The following MIS18A variants were observed in gnomAD, a reference collection of about 807,000 sequenced individuals.
The protein encoded by MIS18A is MIS18 kinetochore protein A.
Under a neutral mutation model 25.0 loss-of-function variants are expected in MIS18A, and 14 were observed. The ratio of observed to expected loss-of-function variants is 0.56; its 90% CI spans 0.37 to 0.88. The LOEUF is 0.88. Among genes scored for constraint, MIS18A ranks in the 40% least tolerant of loss-of-function variants. The pLI is 0.00. For missense variants in MIS18A, 292 were observed against 290.8 expected, an observed-to-expected ratio of 1.00 and a Z score of -0.03; for synonymous variants, 134 against 118.6, an observed-to-expected ratio of 1.13 and a Z score of -0.84.
chr21:32,173,612 A>T, the MIS18A span, among the ~76,000 whole-genome samples: 1 of 152,324 alleles, frequency 6.6e-6, no homozygotes, highest in East Asian at 1.9e-4. Flanking sequence ...TTTGGCAGTA[A>T]AATGAAGTAC....
chr21:32,226,321 T>C, the MIS18A span, among the ~76,000 whole-genome samples: 1 of 151,898 alleles, frequency 6.6e-6, no homozygotes, highest in African/African-American at 2.4e-5. Flanking sequence ...AAAAAATGCA[T>C]TTTTTAATGC....
chr21:32,204,286 C>A, the MIS18A span, among the ~76,000 whole-genome samples: 5 of 151,812 alleles, frequency 3.3e-5, no homozygotes, highest in Non-Finnish European at 7.4e-5. Context: ...ATCATGAGGT[C>A]CACAGTTCAA....
At chr21:32,186,959 G>A in the MIS18A span, among the ~76,000 whole-genome samples, 1 of 152,194 alleles carries the variant, frequency 6.6e-6, no homozygotes, top group Non-Finnish European at 1.5e-5. Flanking sequence ...ATTAGGCTGA[G>A]TTGGCCTCAT....
the MIS18A span, among the ~76,000 whole-genome samples, chr21:32,195,733 A>G: frequency 2.0e-5 from 3 of 152,144 alleles, no homozygotes; most frequent in South Asian, 4.1e-4. Context: ...ATTCTAGTCT[A>G]TCTGGGCAAG....
chr21:32,195,993 C>T, the MIS18A span, among the ~76,000 whole-genome samples: 1 of 151,816 alleles, frequency 6.6e-6, no homozygotes, highest in South Asian at 2.1e-4. Flanking sequence ...GCACTCCAGC[C>T]TGGGCAACAG....
At chr21:32,235,003 C>T in the MIS18A span, among the ~76,000 whole-genome samples, 5,394 of 152,226 alleles carry the variant, frequency 0.035, 318 homozygotes, top group African/African-American at 0.12. Context: ...TCATTCTTTC[C>T]TCTCCTCTCC....
the MIS18A span, among the ~76,000 whole-genome samples, chr21:32,206,422 G>A: frequency 6.6e-6 from 1 of 151,958 alleles, no homozygotes; most frequent in Non-Finnish European, 1.5e-5. Context: ...TCTCATTATT[G>A]GATTCTCCAT....
the MIS18A span, among the ~76,000 whole-genome samples, chr21:32,210,419 CTCT>C: frequency 6.6e-6 from 1 of 152,156 alleles, no homozygotes; most frequent in African/African-American, 2.4e-5. Context: ...AGAGGCTAAA[CTCT>C]TCATCTCTAG....
At chr21:32,231,236 G>GAA in the MIS18A span, among the ~76,000 whole-genome samples, 2 of 85,240 alleles carry the variant, frequency 2.3e-5, no homozygotes, top group Non-Finnish European at 4.8e-5. Context: ...ACCCTGTCTC[G>GAA]AAAAAAAAAA....
chr21:32,212,880 G>C, the MIS18A span, among the ~76,000 whole-genome samples: 4 of 152,166 alleles, frequency 2.6e-5, no homozygotes, highest in South Asian at 8.3e-4. Context: ...CTTCCTCCAT[G>C]ATTGTGAGGC....
At chr21:32,236,403 T>C in the MIS18A span, among the ~76,000 whole-genome samples, 2 of 151,390 alleles carry the variant, frequency 1.3e-5, no homozygotes, top group Non-Finnish European at 2.9e-5. Flanking sequence ...AAAAAAAGAG[T>C]GTACTTGGGC....
At chr21:32,193,215 C>T in the MIS18A span, among the ~76,000 whole-genome samples, 2 of 152,148 alleles carry the variant, frequency 1.3e-5, no homozygotes, top group Non-Finnish European at 2.9e-5. Flanking sequence ...GCCTGGGGCT[C>T]CTGATGCTGT....
At chr21:32,253,928 A>AG in the MIS18A span, among the ~76,000 whole-genome samples, 184 of 152,360 alleles carry the variant, frequency 1.2e-3, no homozygotes, top group African/African-American at 4.3e-3. Flanking sequence ...TGAAAAAAAA[A>AG]TCATAAATCC....
the MIS18A span, among the ~76,000 whole-genome samples, chr21:32,164,825 A>C: frequency 6.6e-6 from 1 of 152,146 alleles, no homozygotes; most frequent in Non-Finnish European, 1.5e-5. Flanking sequence ...AGAAAATTGC[A>C]AAGTTCTGTT....
chr21:32,235,840 G>C, the MIS18A span, among the ~76,000 whole-genome samples: 1 of 152,068 alleles, frequency 6.6e-6, no homozygotes, highest in Non-Finnish European at 1.5e-5. Context: ...GATAAAATGG[G>C]AAAAGAGGAA....
chr21:32,160,145 G>T, the MIS18A span, among the ~76,000 whole-genome samples: 6 of 152,262 alleles, frequency 3.9e-5, no homozygotes, highest in Non-Finnish European at 8.8e-5. Flanking sequence ...AGATTGGAAA[G>T]TAAGTCATGA....
At chr21:32,231,308 T>C in the MIS18A span, among the ~76,000 whole-genome samples, 1 of 150,182 alleles carries the variant, frequency 6.7e-6, no homozygotes. Flanking sequence ...GATAAAGACT[T>C]GTATCTAGGA....
At chr21:32,240,200 C>T in the MIS18A span, among the ~76,000 whole-genome samples, 2 of 152,378 alleles carry the variant, frequency 1.3e-5, no homozygotes, top group African/African-American at 4.8e-5. Flanking sequence ...TGGACTGAAC[C>T]TCTGTGTCCC....
the MIS18A span, among the ~76,000 whole-genome samples, chr21:32,201,502 G>T: frequency 3.9e-5 from 6 of 152,248 alleles, no homozygotes; most frequent in South Asian, 1.2e-3. Flanking sequence ...GTCCCCCAAG[G>T]CTACAATGAC....
Sources: gnomAD v4.1 joint callset for allele counts (sites outside exome capture counted in the v4.1 genomes callset) on GRCh38, gnomAD v4.1.1 for gene constraint, MANE v1.5 for transcripts, NCBI Gene and HGNC (gene_info 2026-07-23, HGNC 2026-07-21) for gene names.